Variants in UNC5D observed in about 807,000 individuals in gnomAD.
The protein encoded by UNC5D is netrin receptor UNC5D.
In UNC5D, 39 loss-of-function variants were observed where a neutral mutation model predicts 105.4. The observed-to-expected ratio is 0.37, with a 90% CI of 0.29 to 0.48. UNC5D has a LOEUF of 0.48. Ranked by LOEUF, UNC5D falls within the 20% of genes least tolerant of loss-of-function variation. The probability of loss-of-function intolerance (pLI) is 0.98; values close to 1 mark genes in which losing one functional copy is unlikely to be tolerated. For synonymous variants in UNC5D, 452 were observed against 450.4 expected, an observed-to-expected ratio of 1.00 and a Z score of -0.04; for missense variants, 991 against 1,202.4, an observed-to-expected ratio of 0.82 and a Z score of 2.60.
intron 1 of UNC5D, among the ~76,000 whole-genome samples, chr8:35,463,364 A>G (rs1809040322): frequency 6.6e-6 from 1 of 152,170 alleles, no homozygotes; most frequent in Non-Finnish European, 1.5e-5. Context: ...ACAGTCTGTT[A>G]TTGACCACTT....
chr8:35,419,651 G>C (rs117782555), intron 1 of UNC5D, among the ~76,000 whole-genome samples: 3 of 152,148 alleles, frequency 2.0e-5, no homozygotes, highest in African/African-American at 7.2e-5. Context: ...CAGCTCGTTC[G>C]TGTTATGGCT....
intron 1 of UNC5D, among the ~76,000 whole-genome samples, chr8:35,451,286 G>C (rs185234347): frequency 6.6e-6 from 1 of 151,918 alleles, no homozygotes; most frequent in African/African-American, 2.4e-5. Flanking sequence ...CAGGTGATCC[G>C]CCTGCCTCAG....
At chr8:35,282,410 C>T (rs1806252754) in intron 1 of UNC5D, among the ~76,000 whole-genome samples, 1 of 152,168 alleles carries the variant, frequency 6.6e-6, no homozygotes, top group South Asian at 2.1e-4. Context: ...TCCCATGACC[C>T]TTCTTAATAC....
chr8:35,658,309 A>T (rs557737051), intron 4 of UNC5D, among the ~76,000 whole-genome samples: 1 of 152,234 alleles, frequency 6.6e-6, no homozygotes, highest in African/African-American at 2.4e-5. Flanking sequence ...TCAATTTATT[A>T]TAGATATGTC....
At chr8:35,521,750 G>A (rs1044809744) in intron 1 of UNC5D, among the ~76,000 whole-genome samples, 1 of 152,122 alleles carries the variant, frequency 6.6e-6, no homozygotes, top group African/African-American at 2.4e-5. Flanking sequence ...TCTTCCTTCC[G>A]AAGTGTTCCT....
chr8:35,677,889 T>C (rs568240413), intron 4 of UNC5D, among the ~76,000 whole-genome samples: 42 of 112,876 alleles, frequency 3.7e-4, no homozygotes, highest in Non-Finnish European at 6.0e-4. Context: ...TGTGTGAGTG[T>C]CTGTGTGTGT....
intron 2 of UNC5D, among the ~76,000 whole-genome samples, chr8:35,559,481 T>C (rs567384160): frequency 6.6e-6 from 1 of 152,216 alleles, no homozygotes; most frequent in Non-Finnish European, 1.5e-5. Context: ...CCAGGTGTGT[T>C]TGAGAACTGG....
At chr8:35,624,207 C>T (rs1165700334) in intron 4 of UNC5D, among the ~76,000 whole-genome samples, 1 of 152,210 alleles carries the variant, frequency 6.6e-6, no homozygotes, top group Non-Finnish European at 1.5e-5. Context: ...GTCATCTTCA[C>T]TCACATAACA....
Position 35,791,951 on chromosome 8 carries a change from G to A in UNC5D, c.*1388G>A, listed in dbSNP as rs1281843721. The stretch of plus-strand genomic sequence containing the variant: ...CCTATTAAATTATTTTTGACAAGAT[G>A]TCCTGGTAGACTAAAGGTGAACAGA... On this transcript the variant is annotated 3_prime_UTR_variant, in exon 17 of 17. Coordinates refer to ENST00000404895, the MANE Select transcript of UNC5D (RefSeq NM_080872.4). 1.3e-5 allele frequency: 2 copies of A among 151,924 alleles called. No individual in the cohort carries two copies. Among genetic ancestry groups the A allele is most frequent in the African/African-American group, 4.8e-5 (2 of 41,358 alleles). 9.4% of individuals were successfully genotyped at this position (151,924 alleles called of 1,614,324 possible).
intron 1 of UNC5D, among the ~76,000 whole-genome samples, chr8:35,363,667 G>A (rs904440658): frequency 6.6e-6 from 1 of 151,976 alleles, no homozygotes; most frequent in Non-Finnish European, 1.5e-5. Context: ...TAAGTCATTT[G>A]GTTAACATGT....
chr8:35,612,247 T>C (rs927388375), intron 4 of UNC5D, among the ~76,000 whole-genome samples: 2 of 152,248 alleles, frequency 1.3e-5, no homozygotes, highest in African/African-American at 4.8e-5. Context: ...CAAGGGTTTT[T>C]GTCAATGCAG....
intron 11 of UNC5D, among the ~76,000 whole-genome samples, chr8:35,738,975 G>T (rs1829612018): frequency 1.3e-5 from 2 of 152,162 alleles, no homozygotes; most frequent in South Asian, 2.1e-4. Flanking sequence ...TTTCTTCCAA[G>T]ATTTTTGGCA....
intron 1 of UNC5D, among the ~76,000 whole-genome samples, chr8:35,350,622 T>C (rs544693289): frequency 6.6e-6 from 1 of 152,164 alleles, no homozygotes; most frequent in East Asian, 1.9e-4. Flanking sequence ...CAAAAGTGAT[T>C]TCATACTGGT....
At chr8:35,540,518 T>C (rs901200463) in intron 1 of UNC5D, among the ~76,000 whole-genome samples, 3 of 150,396 alleles carry the variant, frequency 2.0e-5, no homozygotes, top group Non-Finnish European at 4.4e-5. Context: ...AACCTAAAAA[T>C]AGAGAAAAAG....
chr8:35,303,938 A>C (rs531925940), intron 1 of UNC5D, among the ~76,000 whole-genome samples: 1 of 152,192 alleles, frequency 6.6e-6, no homozygotes, highest in East Asian at 1.9e-4. Context: ...TATCCTTGTC[A>C]TGGTGCTTTT....
At chr8:35,460,102 T>C (rs1808785554) in intron 1 of UNC5D, among the ~76,000 whole-genome samples, 1 of 152,178 alleles carries the variant, frequency 6.6e-6, no homozygotes, top group Non-Finnish European at 1.5e-5. Flanking sequence ...TAAGCTTACT[T>C]TTACATACGC....
Position 35,579,104 on chromosome 8 carries a change from A to AT in UNC5D, c.466+10867dup, listed in dbSNP as rs540580948. On this transcript the variant is annotated intron_variant, in intron 3 of 16. Transcript: ENST00000404895. ...TAGATTTTATTTCAATTCAACTCTC[A>AT]TTTTCTCCACTGAAGGAAACTTCCA... is the stretch of plus-strand genomic sequence containing the variant. 2.2e-4 allele frequency among the ~76,000 whole-genome samples: 33 copies of AT among 152,294 alleles called. No individual in the cohort carries two copies. In the East Asian group the frequency reaches 3.3e-3, roughly 15 times the overall value.
intron 1 of UNC5D, among the ~76,000 whole-genome samples, chr8:35,308,968 G>T (rs1344132054): frequency 6.6e-6 from 1 of 152,090 alleles, no homozygotes; most frequent in East Asian, 1.9e-4. Flanking sequence ...TAAAAGGGAG[G>T]AGAGAGCCCG....
chr8:35,556,493 C>T (rs575024026), intron 2 of UNC5D, among the ~76,000 whole-genome samples: 241 of 152,126 alleles, frequency 1.6e-3, no homozygotes, highest in African/African-American at 5.7e-3. Flanking sequence ...AGGGAAAGTC[C>T]ACAGTGCAAA....
Sources: allele counts gnomAD v4.1 joint callset (sites outside exome capture counted in the v4.1 genomes callset), GRCh38; gene constraint gnomAD v4.1.1; transcripts MANE v1.5; gene names NCBI Gene and HGNC (gene_info 2026-07-23, HGNC 2026-07-21).